ABI3BP: variants seen among roughly 807,000 people sequenced by gnomAD.
ABI3BP encodes the protein ABI family member 3 binding protein.
In ABI3BP, 216 loss-of-function variants were observed where a neutral mutation model predicts 268.6. That is an observed-to-expected ratio of 0.80 (90% CI 0.72 to 0.90). The LOEUF (loss-of-function observed/expected upper bound fraction) is 0.90. ABI3BP is among the 40% of genes least tolerant of loss of function. ABI3BP has a pLI of 0.00. For synonymous variants in ABI3BP, 730 were observed against 730.0 expected (o/e 1.00, Z 0.00); for missense variants, 2,090 against 2,182.4 (o/e 0.96, Z 0.84).
chr3:100,882,874 C>T (rs2040092621), intron 6 of ABI3BP, among the ~76,000 whole-genome samples: 1 of 151,996 alleles, frequency 6.6e-6, no homozygotes, highest in Non-Finnish European at 1.5e-5. Flanking sequence ...GCATGACAGC[C>T]AAGAGGGTAG....
At position 100,795,076 on chromosome 3, in the gene ABI3BP, T is replaced by G. The variant is rs1457824257; in HGVS notation, c.3866-73A>C. The G allele has an allele frequency of 7.6e-6, 7 of 915,372 alleles. No homozygotes were observed. The South Asian group carries it at 1.6e-4, about 20-fold the overall frequency. The allele number at this position is 915,372 out of a possible 1,614,324, so 56.7% of individuals were successfully genotyped here. ...AGCACCAGACCAGATTGGTATTACATGAAATTCCTTCATTTGAAGTAGAAA... is the reference window on the plus strand; with the variant it reads ...AGCACCAGACCAGATTGGTATTACAGGAAATTCCTTCATTTGAAGTAGAAA... On this transcript the variant is annotated intron_variant, in intron 53 of 67. Coordinates refer to ENST00000471714, the MANE Select transcript of ABI3BP (RefSeq NM_001375547.2).
Position 100,885,604 on chromosome 3 carries a change from A to T in ABI3BP, c.644-16T>A. On this transcript the variant is annotated splice_polypyrimidine_tract_variant and intron_variant, in intron 5 of 67. Coordinates refer to ENST00000471714, the MANE Select transcript of ABI3BP (RefSeq NM_001375547.2). ...ACTTTTTTACCTGATGAAACAAGGGAAAAATAACATTATTTTTATTCTCCT... is the reference window on the plus strand; with the variant it reads ...ACTTTTTTACCTGATGAAACAAGGGTAAAATAACATTATTTTTATTCTCCT... 1.3e-6 allele frequency: 2 copies of T among 1,494,164 alleles called. No individual in the cohort carries two copies. Among genetic ancestry groups the T allele is most frequent in the Non-Finnish European group, 9.1e-7 (1 of 1,096,210 alleles). The allele number at this position is 1,494,164 out of a possible 1,614,324, so 92.6% of individuals were successfully genotyped here. A position where few individuals can be genotyped will look rare whatever the true frequency, so the allele number is the denominator to read the frequency against.
At chr3:100,876,662 G>A in intron 6 of ABI3BP, 102 bp from the exon 7 acceptor site, 1 of 1,013,294 alleles carries the variant, frequency 9.9e-7, no homozygotes. Flanking sequence ...TGTCTTCAAT[G>A]AAGTCTCCTG....
At position 100,907,555 on chromosome 3, in the gene ABI3BP, T is replaced by A. The variant is rs147979337; in HGVS notation, c.260-4869A>T. ...AGTATGAATTAAGTATTAGTAACAA[T>A]GGTGATTTCTAGAAAGCAGAGTTTG... On this transcript the variant is annotated intron_variant, in intron 2 of 67. Transcript: ENST00000471714. 2.4e-3 allele frequency among the ~76,000 whole-genome samples: 363 copies of A among 152,176 alleles called. 1 individual carries two copies. Among genetic ancestry groups the A allele is most frequent in the African/African-American group, 8.3e-3 (343 of 41,526 alleles).
At chr3:100,955,251 G>C (rs754179965) in intron 1 of ABI3BP, among the ~76,000 whole-genome samples, 10 of 152,118 alleles carry the variant, frequency 6.6e-5, no homozygotes, top group Non-Finnish European at 1.5e-4. Flanking sequence ...AGAGATCCAA[G>C]TACAATACTC....
intron 57 of ABI3BP, among the ~76,000 whole-genome samples, chr3:100,784,256 G>A (rs1289494870): frequency 6.6e-6 from 1 of 152,052 alleles, no homozygotes; most frequent in African/African-American, 2.4e-5. Flanking sequence ...TCTTCCAAGG[G>A]CACAACCTTA....
chr3:100,828,256 TA>T (rs1259402650), intron 34 of ABI3BP, 136 bp downstream of exon 34: 5 of 697,596 alleles, frequency 7.2e-6, no homozygotes, highest in Non-Finnish European at 1.2e-5. Context: ...GTAGCTCTCT[TA>T]TGAGCAAGAG....
rs2095219493 is a variant in ABI3BP, at chr3:100,749,695, C to G, written c.*800G>C. The G allele has an allele frequency of 2.5e-6, 1 of 398,430 alleles. No individual in the cohort carries two copies. The highest frequency in any genetic ancestry group is 2.1e-5 in the African/African-American group (1 of 48,582). The allele number at this position is 398,430 out of a possible 1,614,324, so 24.7% of individuals were successfully genotyped here. A position where few individuals can be genotyped will look rare whatever the true frequency, so the allele number is the denominator to read the frequency against. ...TTGTGCTCAGACTTGACTTCACATT[C>G]AGTCTCTACATACAGCTTGATTAGA... On this transcript the variant is annotated 3_prime_UTR_variant, in exon 68 of 68. Transcript: ENST00000471714.
intron 2 of ABI3BP, among the ~76,000 whole-genome samples, chr3:100,905,835 A>G (rs1371152318): frequency 6.6e-6 from 1 of 152,166 alleles, no homozygotes. Flanking sequence ...TTTCTTTACT[A>G]AGACATCAAA....
chr3:100,755,143 G>A (rs1260659140), intron 63 of ABI3BP, among the ~76,000 whole-genome samples: 5 of 152,148 alleles, frequency 3.3e-5, no homozygotes, highest in South Asian at 2.1e-4. Context: ...TTCTCACTGT[G>A]GAGTTTGAAC....
chr3:100,885,405 A>C, intron 6 of ABI3BP, 131 bp downstream of exon 6: 1 of 472,088 alleles, frequency 2.1e-6, no homozygotes, highest in Non-Finnish European at 3.7e-6. Context: ...TAATTCCTAA[A>C]ACTAAGTACT....
At chr3:100,894,821 C>T (rs1394615629) in intron 4 of ABI3BP, among the ~76,000 whole-genome samples, 1 of 151,186 alleles carries the variant, frequency 6.6e-6, no homozygotes, top group Non-Finnish European at 1.5e-5. Flanking sequence ...TGCCTGTAGT[C>T]CCAGCTACTC....
At chr3:100,846,220 A>G (rs1370653470) in intron 20 of ABI3BP, among the ~76,000 whole-genome samples, 152 bp downstream of exon 20, 1 of 152,210 alleles carries the variant, frequency 6.6e-6, no homozygotes, top group Non-Finnish European at 1.5e-5. Flanking sequence ...GTGGCTATTT[A>G]TGATTAGATC....
chr3:100,913,016 C>T (rs748993181), intron 2 of ABI3BP, among the ~76,000 whole-genome samples: 35 of 152,108 alleles, frequency 2.3e-4, no homozygotes, highest in African/African-American at 6.5e-4. Context: ...TAGGCAGAGG[C>T]GGGCAGGCCT....
At chr3:100,903,907 C>T (rs2051794951) in intron 2 of ABI3BP, among the ~76,000 whole-genome samples, 1 of 152,168 alleles carries the variant, frequency 6.6e-6, no homozygotes, top group Non-Finnish European at 1.5e-5. Context: ...TGCCTCCTGC[C>T]CACCACACAG....
chr3:100,825,869 A>G, intron 34 of ABI3BP, 25 bp from the exon 35 acceptor site: 1 of 1,502,122 alleles, frequency 6.7e-7, no homozygotes, highest in Non-Finnish European at 9.0e-7. Flanking sequence ...TAAACAAAAG[A>G]GATGGTAAAA....
chr3:100,988,387 C>T (rs968910572), intron 1 of ABI3BP, among the ~76,000 whole-genome samples: 1 of 152,152 alleles, frequency 6.6e-6, no homozygotes, highest in Non-Finnish European at 1.5e-5. Context: ...AGCACAGTTA[C>T]ATCTTGTATG....
Position 100,766,585 on chromosome 3 carries a change from T to C in ABI3BP, c.4742-636A>G, listed in dbSNP as rs141932998. 5.3e-3 allele frequency among the ~76,000 whole-genome samples: 807 copies of C among 152,324 alleles called. 7 individuals carry two copies. The highest frequency in any genetic ancestry group is 7.4e-3 in the African/African-American group (309 of 41,566). ...TTCCTTGTATTGAAAAACAAATTAATGTCCTTAAAGTCTGCATAGAGATCT... is the reference window on the plus strand; with the variant it reads ...TTCCTTGTATTGAAAAACAAATTAACGTCCTTAAAGTCTGCATAGAGATCT... On this transcript the variant is annotated intron_variant, in intron 62 of 67. Coordinates refer to ENST00000471714, the MANE Select transcript of ABI3BP (RefSeq NM_001375547.2).
intron 3 of ABI3BP, among the ~76,000 whole-genome samples, chr3:100,899,670 GA>G (rs2049288536): frequency 1.3e-5 from 2 of 152,148 alleles, no homozygotes; most frequent in East Asian, 3.8e-4. Flanking sequence ...AAAACAGGAA[GA>G]ACCTCAACCA....
Sources: gnomAD v4.1 joint callset for allele counts (sites outside exome capture counted in the v4.1 genomes callset) on GRCh38, gnomAD v4.1.1 for gene constraint, MANE v1.5 for transcripts, NCBI Gene and HGNC (gene_info 2026-07-23, HGNC 2026-07-21) for gene names.